The following CLSTN2 variants were observed in gnomAD, a reference collection of about 807,000 sequenced individuals.
The protein encoded by CLSTN2 is calsyntenin-2.
In CLSTN2, 48 loss-of-function variants were observed where a neutral mutation model predicts 101.2. That is an observed-to-expected ratio of 0.47 (90% confidence interval 0.38 to 0.60). CLSTN2 has a LOEUF of 0.60. Ranked by LOEUF, CLSTN2 falls within the 20% of genes least tolerant of loss-of-function variation. The pLI, the probability that CLSTN2 is intolerant of heterozygous loss-of-function variation, is 0.00. For missense variants in CLSTN2, 1,160 were observed against 1,238.2 expected, an observed-to-expected ratio of 0.94 and a Z score of 0.95; for synonymous variants, 481 against 463.6, an observed-to-expected ratio of 1.04 and a Z score of -0.48.
intron 1 of CLSTN2, among the ~76,000 whole-genome samples, chr3:140,172,476 A>G (rs1188857501): frequency 1.3e-5 from 2 of 152,146 alleles, no homozygotes; most frequent in Admixed American, 6.5e-5. Context: ...AGATGAGGTG[A>G]AAACTCCTGG....
intron 4 of CLSTN2, among the ~76,000 whole-genome samples, chr3:140,416,994 T>C (rs137878150): frequency 6.6e-6 from 1 of 152,246 alleles, no homozygotes; most frequent in Admixed American, 6.5e-5. Flanking sequence ...AAAAGTGTTA[T>C]ATGCCTTGTG....
At chr3:140,075,622 T>C (rs2008474117) in intron 1 of CLSTN2, among the ~76,000 whole-genome samples, 1 of 152,212 alleles carries the variant, frequency 6.6e-6, no homozygotes, top group South Asian at 2.1e-4. Context: ...TGTCAATTTC[T>C]CCATTTCACA....
chr3:140,103,006 G>A (rs937030007), intron 1 of CLSTN2, among the ~76,000 whole-genome samples: 1 of 152,124 alleles, frequency 6.6e-6, no homozygotes, highest in African/African-American at 2.4e-5. Context: ...TTGAAATCAA[G>A]TATGAAAATC....
intron 8 of CLSTN2, among the ~76,000 whole-genome samples, chr3:140,513,926 G>A (rs767068244): frequency 6.6e-6 from 1 of 151,858 alleles, no homozygotes; most frequent in Non-Finnish European, 1.5e-5. Flanking sequence ...GCATTTCTGT[G>A]GGGTCAGTGA....
intron 5 of CLSTN2, among the ~76,000 whole-genome samples, chr3:140,430,934 G>A (rs975617375): frequency 1.3e-5 from 2 of 152,202 alleles, no homozygotes; most frequent in Admixed American, 1.3e-4. Flanking sequence ...ATCTTACTGT[G>A]TCAGAAGAAA....
chr3:140,073,160 A>G (rs758446235), intron 1 of CLSTN2, among the ~76,000 whole-genome samples: 3 of 152,198 alleles, frequency 2.0e-5, no homozygotes, highest in Non-Finnish European at 4.4e-5. Flanking sequence ...TTCTTGTAAG[A>G]TATCATCAAA....
In CLSTN2 at chr3:140,304,275, G is replaced by C. The variant is rs372680226; in HGVS notation, c.233-99354G>C. On this transcript the variant is annotated intron_variant, in intron 2 of 16. Coordinates refer to ENST00000458420, the MANE Select transcript of CLSTN2 (RefSeq NM_022131.3). ...ACAAGTGAAGTCTTCTGCTGATGAT[G>C]GAGCTCTGAATCTTTGCGTCTTAGT... Among the ~76,000 whole-genome samples, 293 of 152,298 alleles carry C rather than the reference G, an allele frequency of 1.9e-3. 1 individual carries two copies. Among genetic ancestry groups the C allele is most frequent in the African/African-American group, 6.7e-3 (278 of 41,564 alleles).
At chr3:140,475,423 G>A (rs1170903449) in intron 8 of CLSTN2, among the ~76,000 whole-genome samples, 2 of 152,130 alleles carry the variant, frequency 1.3e-5, no homozygotes, top group Non-Finnish European at 2.9e-5. Context: ...TACATCCTGA[G>A]CCATTTCCTT....
chr3:140,030,267 C>T (rs1415012091), intron 1 of CLSTN2, among the ~76,000 whole-genome samples: 5 of 152,122 alleles, frequency 3.3e-5, no homozygotes, highest in African/African-American at 1.2e-4. Context: ...ATATTATTCC[C>T]CTTATGAACA....
At chr3:140,412,584 G>C (rs1314634121) in intron 4 of CLSTN2, among the ~76,000 whole-genome samples, 1 of 152,188 alleles carries the variant, frequency 6.6e-6, no homozygotes, top group Non-Finnish European at 1.5e-5. Context: ...CCTGCTTCTG[G>C]TGTGGGGAAG....
intron 1 of CLSTN2, among the ~76,000 whole-genome samples, chr3:140,149,709 G>A (rs943709529): frequency 2.6e-4 from 39 of 152,078 alleles, no homozygotes; most frequent in Non-Finnish European, 4.6e-4. Context: ...CACCCACCTT[G>A]ACCTTCCAAA....
chr3:140,490,875 C>T (rs577292703), intron 8 of CLSTN2, among the ~76,000 whole-genome samples: 3 of 152,220 alleles, frequency 2.0e-5, no homozygotes, highest in East Asian at 1.9e-4. Flanking sequence ...CTGATAAGAG[C>T]GGCCAAGCCA....
chr3:140,048,706 G>T (rs1439862272), intron 1 of CLSTN2, among the ~76,000 whole-genome samples: 1 of 152,122 alleles, frequency 6.6e-6, no homozygotes, highest in African/African-American at 2.4e-5. Flanking sequence ...TTACTGGGGG[G>T]AGTGGGGGGC....
chr3:140,477,444 G>A (rs143762496), intron 8 of CLSTN2, among the ~76,000 whole-genome samples: 1 of 152,084 alleles, frequency 6.6e-6, no homozygotes, highest in Non-Finnish European at 1.5e-5. Context: ...GTGGTTTTAG[G>A]TGCAAGAATA....
In CLSTN2 at chr3:140,176,102, C is replaced by T. The variant is rs138350006; in HGVS notation, c.232+29C>T. Reference sequence around the variant, plus strand: ...AGATTATGGCTTCGTACGGCTGGGCCTGGCTCACTTTGAAGATGTGCTGTG... The same window carrying T: ...AGATTATGGCTTCGTACGGCTGGGCTTGGCTCACTTTGAAGATGTGCTGTG... On this transcript the variant is annotated intron_variant, in intron 2 of 16. Coordinates refer to ENST00000458420, the MANE Select transcript of CLSTN2 (RefSeq NM_022131.3). The T allele has an allele frequency of 4.7e-4, 752 of 1,611,656 alleles. 5 individuals carry two copies. The East Asian group carries it at 0.015, about 32-fold the overall frequency.
chr3:140,178,365 C>G (rs1576456994), intron 2 of CLSTN2, among the ~76,000 whole-genome samples: 2 of 152,270 alleles, frequency 1.3e-5, no homozygotes, highest in Non-Finnish European at 2.9e-5. Context: ...AAAGGATTTC[C>G]TTAAGTCAGA....
chr3:140,023,122 A>G (rs1452845929), intron 1 of CLSTN2, among the ~76,000 whole-genome samples: 1 of 152,122 alleles, frequency 6.6e-6, no homozygotes, highest in Non-Finnish European at 1.5e-5. Flanking sequence ...ACCCAAAACC[A>G]GTGGGTTCGT....
intron 1 of CLSTN2, among the ~76,000 whole-genome samples, chr3:140,149,456 T>A (rs552936694): frequency 1.5e-4 from 7 of 46,392 alleles, no homozygotes; most frequent in African/African-American, 6.2e-4. Context: ...GAATGTCAGA[T>A]AAATAGCATT....
chr3:140,464,608 A>G (rs1933642279), intron 7 of CLSTN2, among the ~76,000 whole-genome samples: 1 of 152,246 alleles, frequency 6.6e-6, no homozygotes, highest in Non-Finnish European at 1.5e-5. Context: ...AAGCTGCTGT[A>G]GTAGAGTGAG....
Sources: allele counts gnomAD v4.1 joint callset (sites outside exome capture counted in the v4.1 genomes callset), GRCh38; gene constraint gnomAD v4.1.1; transcripts MANE v1.5; gene names NCBI Gene and HGNC (gene_info 2026-07-23, HGNC 2026-07-21).